Variants in VAV3 observed in about 807,000 individuals in gnomAD.
The protein encoded by VAV3 is guanine nucleotide exchange factor VAV3.
VAV3 carries 94 observed loss-of-function variants against 131.2 expected under a neutral mutation model. That is an observed-to-expected ratio of 0.72 (90% CI 0.61 to 0.85). VAV3 has a LOEUF of 0.85. Among genes scored for constraint, VAV3 ranks in the 40% least tolerant of loss-of-function variants. The pLI is 0.00. For missense variants in VAV3, 939 were observed against 1,002.7 expected (o/e 0.94, Z 0.86); for synonymous variants, 349 against 342.0 (o/e 1.02, Z -0.22).
At chr1:107,771,685 C>T (rs1268781893) in intron 5 of VAV3, among the ~76,000 whole-genome samples, 1 of 152,220 alleles carries the variant, frequency 6.6e-6, no homozygotes, top group Non-Finnish European at 1.5e-5. Flanking sequence ...AAGCACTTAG[C>T]ACTTTTCCAA....
At chr1:107,680,945 AAAAG>A (rs1358495585) in intron 19 of VAV3, among the ~76,000 whole-genome samples, 1 of 152,172 alleles carries the variant, frequency 6.6e-6, no homozygotes, top group Non-Finnish European at 1.5e-5. Context: ...GAGGAATTTA[AAAAG>A]AAAGAATGTC....
intron 1 of VAV3, among the ~76,000 whole-genome samples, chr1:107,960,418 A>G (rs1187015946): frequency 6.6e-6 from 1 of 151,970 alleles, no homozygotes; most frequent in Non-Finnish European, 1.5e-5. Flanking sequence ...GTGAGCTGAG[A>G]TCAGGCCACT....
intron 1 of VAV3, among the ~76,000 whole-genome samples, chr1:107,886,568 A>G (rs1312794304): frequency 6.6e-6 from 1 of 152,232 alleles, no homozygotes; most frequent in Non-Finnish European, 1.5e-5. Context: ...GACTTCCTTC[A>G]TTTGGTTTTA....
intron 1 of VAV3, among the ~76,000 whole-genome samples, chr1:107,875,692 A>G (rs999846633): frequency 1.1e-4 from 16 of 152,166 alleles, no homozygotes; most frequent in Non-Finnish European, 2.4e-4. Flanking sequence ...GGCCTTGGCC[A>G]AAAGGAGGAC....
intron 2 of VAV3, among the ~76,000 whole-genome samples, chr1:107,813,486 A>G (rs940102076): frequency 6.6e-6 from 1 of 152,238 alleles, no homozygotes; most frequent in Non-Finnish European, 1.5e-5. Flanking sequence ...TGTTTTATTG[A>G]TACATAGTAT....
At chr1:107,906,446 T>C (rs1672111501) in intron 1 of VAV3, among the ~76,000 whole-genome samples, 2 of 151,988 alleles carry the variant, frequency 1.3e-5, no homozygotes, top group African/African-American at 4.8e-5. Context: ...GGGCGGATCA[T>C]GAGGTCAGGA....
chr1:107,626,970 T>C (rs1654067481), intron 20 of VAV3, among the ~76,000 whole-genome samples: 1 of 152,164 alleles, frequency 6.6e-6, no homozygotes, highest in Non-Finnish European at 1.5e-5. Context: ...GAGCTAATAT[T>C]GTTGTGTGGT....
intron 1 of VAV3, among the ~76,000 whole-genome samples, chr1:107,959,479 A>G (rs566582646): frequency 1.2e-3 from 175 of 152,106 alleles, no homozygotes; most frequent in Non-Finnish European, 1.9e-3. Flanking sequence ...ATATTGTTTA[A>G]ATCTTCTATC....
At chr1:107,952,029 A>C (rs1438746339) in intron 1 of VAV3, among the ~76,000 whole-genome samples, 1 of 152,180 alleles carries the variant, frequency 6.6e-6, no homozygotes, top group African/African-American at 2.4e-5. Flanking sequence ...ACATATGTTC[A>C]CTACAGCACT....
intron 17 of VAV3, among the ~76,000 whole-genome samples, chr1:107,694,346 C>CT (rs1557768697): frequency 6.6e-6 from 1 of 152,100 alleles, no homozygotes; most frequent in African/African-American, 2.4e-5. Flanking sequence ...AGTGAGAACT[C>CT]TAACAATTGG....
intron 17 of VAV3, among the ~76,000 whole-genome samples, chr1:107,697,893 A>G (rs960596428): frequency 3.9e-5 from 6 of 152,196 alleles, no homozygotes; most frequent in African/African-American, 1.4e-4. Flanking sequence ...TTCACTGAGA[A>G]AGGCAAGCAC....
intron 17 of VAV3, among the ~76,000 whole-genome samples, chr1:107,701,949 C>T (rs1048251791): frequency 1.3e-5 from 2 of 152,202 alleles, no homozygotes; most frequent in African/African-American, 2.4e-5. Flanking sequence ...CTTCTGAGCC[C>T]TCCAAACTGT....
At chr1:107,627,335 T>A (rs1166036770) in intron 20 of VAV3, among the ~76,000 whole-genome samples, 1 of 152,166 alleles carries the variant, frequency 6.6e-6, no homozygotes, top group East Asian at 1.9e-4. Context: ...AATCAACCAA[T>A]CTCTTCAGAA....
At chr1:107,824,885 A>G (rs965273978) in intron 2 of VAV3, among the ~76,000 whole-genome samples, 3 of 151,610 alleles carry the variant, frequency 2.0e-5, no homozygotes, top group Non-Finnish European at 4.4e-5. Context: ...GAAATAGAAG[A>G]ACAGGAACAC....
intron 2 of VAV3, among the ~76,000 whole-genome samples, chr1:107,793,468 G>A (rs1165126722): frequency 1.3e-5 from 2 of 152,202 alleles, no homozygotes; most frequent in Non-Finnish European, 2.9e-5. Context: ...TCCATGAGAG[G>A]AGGGAGTGTG....
chr1:107,819,789 T>C (rs1667716930), intron 2 of VAV3, among the ~76,000 whole-genome samples: 2 of 152,142 alleles, frequency 1.3e-5, no homozygotes, highest in Non-Finnish European at 1.5e-5. Context: ...ATGATAACAG[T>C]TGTTATAAAT....
At chr1:107,829,101 C>T (rs1346229721) in intron 2 of VAV3, among the ~76,000 whole-genome samples, 2 of 152,106 alleles carry the variant, frequency 1.3e-5, no homozygotes, top group East Asian at 3.8e-4. Context: ...GTCCATTTGC[C>T]ATGATGAGCC....
At chr1:107,779,168 T>TAA (rs34837829) in intron 3 of VAV3, among the ~76,000 whole-genome samples, 84 of 140,530 alleles carry the variant, frequency 6.0e-4, no homozygotes, top group East Asian at 3.4e-3. Flanking sequence ...GGAGGAAAGT[T>TAA]AAAAAAAAAA....
chr1:107,905,275 A>G (rs1235326085), intron 1 of VAV3, among the ~76,000 whole-genome samples: 1 of 152,218 alleles, frequency 6.6e-6, no homozygotes, highest in Non-Finnish European at 1.5e-5. Context: ...CACTTTCTCA[A>G]GGAAGATTTC....
Sources: allele counts gnomAD v4.1 joint callset (sites outside exome capture counted in the v4.1 genomes callset), GRCh38; gene constraint gnomAD v4.1.1; transcripts MANE v1.5; gene names NCBI Gene and HGNC (gene_info 2026-07-23, HGNC 2026-07-21).